Variants in TXNDC11 observed in about 807,000 individuals in gnomAD.
The protein encoded by TXNDC11 is thioredoxin domain containing 11, also known as thioredoxin domain-containing protein 11.
In TXNDC11, 68 loss-of-function variants were observed where a neutral mutation model predicts 78.0. The ratio of observed to expected loss-of-function variants is 0.87; its 90% CI spans 0.72 to 1.07. TXNDC11 has a LOEUF of 1.07. Ranked by LOEUF, TXNDC11 falls within the 50% of genes least tolerant of loss-of-function variation. TXNDC11 has a pLI of 0.00. For missense variants in TXNDC11, 1,389 were observed against 1,221.8 expected (o/e 1.14, Z -2.04); for synonymous variants, 571 against 495.2 (o/e 1.15, Z -2.03).
At chr16:11,724,282 C>CA (rs940128780) in intron 4 of TXNDC11, among the ~76,000 whole-genome samples, 5 of 151,840 alleles carry the variant, frequency 3.3e-5, no homozygotes, top group Non-Finnish European at 4.4e-5. Context: ...GACTCTGTCT[C>CA]AAAAAAACAA....
rs965242839 is a variant in TXNDC11, at chr16:11,724,973, C to T, written c.700-3303G>A. Among the ~76,000 whole-genome samples, 3 of 152,124 alleles carry T rather than the reference C, an allele frequency of 2.0e-5. No individual in the cohort carries two copies. The South Asian group carries it at 6.2e-4, about 32-fold the overall frequency. ...TGTTGGCCAGGCTGGTCTTAAACTC[C>T]TGACCTCATGATCTGCCCGCCTCGG... On this transcript the variant is annotated intron_variant, in intron 4 of 11. Coordinates refer to ENST00000283033, the MANE Select transcript of TXNDC11 (RefSeq NM_015914.7).
chr16:11,712,412 T>A (rs2051389258), intron 5 of TXNDC11, among the ~76,000 whole-genome samples: 1 of 152,104 alleles, frequency 6.6e-6, no homozygotes, highest in Non-Finnish European at 1.5e-5. Flanking sequence ...TCTTCCCGTC[T>A]CCACCTAAGG....
chr16:11,684,367 C>A (rs1298654173), intron 10 of TXNDC11, 122 bp from the exon 11 acceptor site: 1 of 656,054 alleles, frequency 1.5e-6, no homozygotes. Context: ...GGGCTAGTCC[C>A]TTCTCGATGA....
At chr16:11,730,513 G>A (rs911857115) in intron 4 of TXNDC11, 132 bp downstream of exon 4, 1 of 880,368 alleles carries the variant, frequency 1.1e-6, no homozygotes, top group African/African-American at 1.7e-5. Context: ...TTTAACTGGG[G>A]CTGATCTATC....
intron 11 of TXNDC11, among the ~76,000 whole-genome samples, chr16:11,680,211 G>A (rs184780142): frequency 1.3e-4 from 20 of 152,226 alleles, no homozygotes; most frequent in African/African-American, 2.9e-4. Flanking sequence ...CAGGAAGAGC[G>A]TCCAGGGGAG....
chr16:11,690,278 G>C (rs894855263), intron 8 of TXNDC11, among the ~76,000 whole-genome samples: 1 of 152,172 alleles, frequency 6.6e-6, no homozygotes, highest in Non-Finnish European at 1.5e-5. Context: ...GCCAGGGTGG[G>C]TCAGCCCAAT....
intron 7 of TXNDC11, among the ~76,000 whole-genome samples, chr16:11,697,881 C>T (rs1407631170): frequency 6.6e-6 from 1 of 152,220 alleles, no homozygotes; most frequent in Non-Finnish European, 1.5e-5. Context: ...CCTGCCTCTT[C>T]CCACTCACTC....
intron 4 of TXNDC11, among the ~76,000 whole-genome samples, chr16:11,722,104 C>G (rs1297916289): frequency 2.0e-5 from 3 of 152,186 alleles, no homozygotes; most frequent in Non-Finnish European, 4.4e-5. Context: ...CTTCTTGAAT[C>G]TCTCTCTCTC....
At chr16:11,698,096 T>C in intron 7 of TXNDC11, 29 bp downstream of exon 7, 3 of 1,609,466 alleles carry the variant, frequency 1.9e-6, no homozygotes, top group Non-Finnish European at 2.6e-6. Flanking sequence ...CTACTCCTCA[T>C]GAGGTGCTTT....
intron 5 of TXNDC11, among the ~76,000 whole-genome samples, chr16:11,715,810 G>A (rs1421133876): frequency 1.3e-5 from 2 of 152,144 alleles, no homozygotes; most frequent in Non-Finnish European, 2.9e-5. Context: ...ACGGGAAAGG[G>A]GAAGAGAAAG....
At position 11,691,364 on chromosome 16, in the gene TXNDC11, G is replaced by T; in HGVS notation, c.1826C>A (p.Ala609Glu). 6.2e-7 allele frequency: 1 copy of T among 1,614,130 alleles called. No individual in the cohort carries two copies. Among genetic ancestry groups the T allele is most frequent in the Non-Finnish European group, 8.5e-7 (1 of 1,180,010 alleles). The change falls in exon 8 of 12, where the codon GCG (alanine) becomes GAG (glutamate). Residue 609 changes from alanine (A) to glutamate (E), a missense_variant. Physicochemically the swap from Ala to Glu is moderately radical, Grantham distance 107. Coordinates refer to ENST00000283033, the MANE Select transcript of TXNDC11 (RefSeq NM_015914.7). ...APSSTQVKEFAAIVDVKEESH... is the reference protein window; with the variant it reads ...APSSTQVKEFEAIVDVKEESH... ...TTCTTCTTTCACGTCAACAATTGCCGCAAATTCTTTCACCTGAGTGGAGCT... is the reference window on the plus strand; with the variant it reads ...TTCTTCTTTCACGTCAACAATTGCCTCAAATTCTTTCACCTGAGTGGAGCT...
In TXNDC11 at chr16:11,692,035, C is replaced by T. The variant is rs756338695; in HGVS notation, c.1155G>A (p.Val385=). 3.9e-6 allele frequency: 6 copies of T among 1,547,218 alleles called. No homozygotes were observed. The South Asian group carries it at 7.6e-5, about 20-fold the overall frequency. The change falls in exon 8 of 12, where the codon GTG becomes GTA. Residue 385 remains valine (V), a synonymous_variant. Coordinates refer to ENST00000283033, the MANE Select transcript of TXNDC11 (RefSeq NM_015914.7). Reference sequence around the variant, plus strand: ...GCAGGTGCTGAAGGAGACGCTCCACCACCTGGTCCCCATGACAGTTGTTGT... The same window carrying T: ...GCAGGTGCTGAAGGAGACGCTCCACTACCTGGTCCCCATGACAGTTGTTGT... The part of the protein sequence containing the change: ...LEYNNCHGDQ[V]VERLLQHLRR...
intron 10 of TXNDC11, among the ~76,000 whole-genome samples, chr16:11,687,301 C>G (rs983250055): frequency 2.6e-5 from 4 of 152,106 alleles, no homozygotes; most frequent in Non-Finnish European, 5.9e-5. Context: ...TAAATGTGAA[C>G]AGTTTTCCTC....
intron 4 of TXNDC11, among the ~76,000 whole-genome samples, chr16:11,728,102 G>A (rs375115695): frequency 6.6e-6 from 1 of 152,256 alleles, no homozygotes; most frequent in Non-Finnish European, 1.5e-5. Flanking sequence ...AAAGCTTACT[G>A]TGTTCTACTC....
intron 9 of TXNDC11, 118 bp downstream of exon 9, chr16:11,688,185 G>T: frequency 8.9e-7 from 1 of 1,121,330 alleles, no homozygotes; most frequent in Non-Finnish European, 1.3e-6. Context: ...CCATAATTGG[G>T]CCATCACGTG....
rs1340907161 is a variant in TXNDC11 at position 11,740,281 on chromosome 16, TTCAA to T, written c.254+2192_254+2195del. On this transcript the variant is annotated intron_variant, in intron 1 of 11. Coordinates refer to ENST00000283033, the MANE Select transcript of TXNDC11 (RefSeq NM_015914.7). ...AGCAATAAACAGTATCATGACACCATTCAATCAAAGATGACCCTAAAAAAATTAA... is the reference window on the plus strand; with the variant it reads ...AGCAATAAACAGTATCATGACACCATTCAAAGATGACCCTAAAAAAATTAA... 4.6e-5 allele frequency among the ~76,000 whole-genome samples: 7 copies of T among 152,292 alleles called. No homozygotes were observed. In the East Asian group the frequency reaches 5.8e-4, roughly 13 times the overall value.
chr16:11,739,562 A>AC lies in TXNDC11; in HGVS notation c.254+2914_254+2915insG, dbSNP rs2052332116. The stretch of plus-strand genomic sequence containing the variant: ...CTGTTGAAACCCCAATTTTCCTATG[A>AC]AATTCACACCCTACATCACTTCCTT... On this transcript the variant is annotated intron_variant, in intron 1 of 11. Transcript: ENST00000283033. 3.3e-5 allele frequency among the ~76,000 whole-genome samples: 5 copies of AC among 152,292 alleles called. No homozygotes were observed. In the South Asian group the frequency reaches 1.0e-3, roughly 32 times the overall value.
At chr16:11,736,986 G>A (rs1345279302) in intron 1 of TXNDC11, among the ~76,000 whole-genome samples, 2 of 152,090 alleles carry the variant, frequency 1.3e-5, no homozygotes, top group Admixed American at 1.3e-4. Flanking sequence ...CCAAGTAGAA[G>A]GGCCCTAGTA....
chr16:11,709,472 TTGC>T (rs2051278683), intron 5 of TXNDC11, among the ~76,000 whole-genome samples: 2 of 135,712 alleles, frequency 1.5e-5, no homozygotes, highest in African/African-American at 2.9e-5. Flanking sequence ...TCTCGCTCTG[TTGC>T]CCAGGCTGGA....
Sources: gnomAD v4.1 joint callset for allele counts (sites outside exome capture counted in the v4.1 genomes callset) on GRCh38, gnomAD v4.1.1 for gene constraint, MANE v1.5 for transcripts, NCBI Gene and HGNC (gene_info 2026-07-23, HGNC 2026-07-21) for gene names.